The following CYLD variants were observed in gnomAD, a reference collection of about 807,000 sequenced individuals.
CYLD encodes CYLD lysine 63 deubiquitinase, also known as ubiquitin carboxyl-terminal hydrolase CYLD.
Under a neutral mutation model 104.5 loss-of-function variants are expected in CYLD, and 26 were observed. That is an observed-to-expected ratio of 0.25 (90% CI 0.18 to 0.35). CYLD has a LOEUF of 0.35. CYLD is among the 10% of genes least tolerant of loss of function. CYLD has a pLI of 1.00. For missense variants in CYLD, 703 were observed against 1,136.1 expected, an observed-to-expected ratio of 0.62 and a Z score of 5.48; for synonymous variants, 385 against 399.9, an observed-to-expected ratio of 0.96 and a Z score of 0.45.
intron 5 of CYLD, among the ~76,000 whole-genome samples, chr16:50,772,117 C>A (rs1969219272): frequency 6.6e-6 from 1 of 152,194 alleles, no homozygotes; most frequent in South Asian, 2.1e-4. Context: ...ATAGGAATTA[C>A]ATTAAACCTG....
At chr16:50,766,407 G>T (rs1185851827) in intron 5 of CYLD, among the ~76,000 whole-genome samples, 2 of 152,170 alleles carry the variant, frequency 1.3e-5, no homozygotes, top group African/African-American at 4.8e-5. Context: ...GATGCAACTG[G>T]TCACTCAAAA....
chr16:50,791,948 GTAGTT>G (rs1387540525), intron 15 of CYLD, among the ~76,000 whole-genome samples: 4 of 152,282 alleles, frequency 2.6e-5, no homozygotes, highest in African/African-American at 9.6e-5. Flanking sequence ...AAACTTTTAG[GTAGTT>G]TAAAGCAAAA....
chr16:50,757,609 T>C (rs1232459930), intron 5 of CYLD, among the ~76,000 whole-genome samples: 10 of 152,072 alleles, frequency 6.6e-5, no homozygotes, highest in African/African-American at 2.4e-4. Context: ...TGGTCTCTGC[T>C]CACTGCAAGC....
intron 5 of CYLD, among the ~76,000 whole-genome samples, chr16:50,765,264 T>G (rs1385745109): frequency 6.6e-6 from 1 of 152,234 alleles, no homozygotes; most frequent in African/African-American, 2.4e-5. Context: ...CCTGCAATAT[T>G]TCAAACTTTT....
rs1468822713 is a variant in CYLD, at chr16:50,794,532, C to A, written c.2686+104C>A. ...TCTGAGTGATATTTTCTGAGAAAAT[C>A]CTTTCAGGATTATTCTGGTGACAAC... On this transcript the variant is annotated intron_variant, in intron 18 of 18. Coordinates refer to ENST00000427738, the MANE Select transcript of CYLD (RefSeq NM_001378743.1). This position sits in a 1 kb window ranked among gnomAD's most constrained non-coding sequence, Gnocchi z 4.1. 2 of 1,118,838 alleles carry A rather than the reference C, an allele frequency of 1.8e-6. No homozygotes were observed. Among genetic ancestry groups the A allele is most frequent in the African/African-American group, 1.5e-5 (1 of 65,336 alleles). 69.3% of individuals were successfully genotyped at this position (1,118,838 alleles called of 1,614,324 possible). A position where few individuals can be genotyped will look rare whatever the true frequency, so the allele number is the denominator to read the frequency against.
chr16:50,743,731 A>C (rs141834140), intron 2 of CYLD, among the ~76,000 whole-genome samples: 182 of 152,344 alleles, frequency 1.2e-3, no homozygotes, highest in Admixed American at 2.5e-3. Flanking sequence ...TAAGCATCAT[A>C]CATGCTAGTT....
Position 50,749,413 on chromosome 16 carries a change from C to T in CYLD, c.-123-163C>T, listed in dbSNP as rs1966449853. The T allele has an allele frequency of 5.5e-6, 3 of 541,268 alleles. No homozygotes were observed. The African/African-American group carries it at 5.7e-5, about 10-fold the overall frequency. The allele number at this position is 541,268 out of a possible 1,614,324, so 33.5% of individuals were successfully genotyped here. ...GTAATACAGTATGTATGTCTTTTAGCCCTTTTAGATATTTTTTGAAAATAT... is the reference window on the plus strand; with the variant it reads ...GTAATACAGTATGTATGTCTTTTAGTCCTTTTAGATATTTTTTGAAAATAT... On this transcript the variant is annotated intron_variant, in intron 2 of 18. Transcript: ENST00000427738.
chr16:50,783,927 GGCACTGAATAGTGCTT>G, intron 11 of CYLD: 1 of 233,298 alleles, frequency 4.3e-6, no homozygotes. Flanking sequence ...AGGGAAGTGG[GGCACTGAATAGTGCTT>G]GCCTCGGGAA....
At chr16:50,762,162 C>A (rs1469020006) in intron 5 of CYLD, among the ~76,000 whole-genome samples, 2 of 152,134 alleles carry the variant, frequency 1.3e-5, no homozygotes, top group African/African-American at 4.8e-5. Context: ...ATCATCCACC[C>A]CCCGCCACCC....
At position 50,800,361 on chromosome 16, in the gene CYLD, G is replaced by A. The variant is rs1262955396; in HGVS notation, c.*3853G>A. The A allele has an allele frequency of 4.3e-6, 1 of 233,176 alleles. No individual in the cohort carries two copies. Among genetic ancestry groups the A allele is most frequent in the Non-Finnish European group, 8.5e-6 (1 of 118,018 alleles). The allele number at this position is 233,176 out of a possible 1,614,324, so 14.4% of individuals were successfully genotyped here. Reference sequence around the variant, plus strand: ...AGCTTCCTTCACTTTTTGTGATTTTGTGGTCATGTAACGTTACTGTATTAT... The same window carrying A: ...AGCTTCCTTCACTTTTTGTGATTTTATGGTCATGTAACGTTACTGTATTAT... On this transcript the variant is annotated 3_prime_UTR_variant, in exon 19 of 19. Coordinates refer to ENST00000427738, the MANE Select transcript of CYLD (RefSeq NM_001378743.1).
At chr16:50,787,052 AT>A (rs1162477639) in intron 13 of CYLD, 106 bp downstream of exon 13, 2 of 956,224 alleles carry the variant, frequency 2.1e-6, no homozygotes, top group Non-Finnish European at 3.4e-6. Flanking sequence ...TTTCTTTTAA[AT>A]TAGAAATTTC....
chr16:50,760,422 G>A (rs1967766117), intron 5 of CYLD, among the ~76,000 whole-genome samples: 1 of 151,978 alleles, frequency 6.6e-6, no homozygotes, highest in Non-Finnish European at 1.5e-5. Context: ...TCAGTTGCCT[G>A]CTTACTCCAT....
Position 50,742,809 on chromosome 16 carries a change from TC to T in CYLD, c.-154del, listed in dbSNP as rs1285514877. On this transcript the variant is annotated 5_prime_UTR_variant, in exon 2 of 19. An upstream open reading frame in the 5' UTR loses its in-frame stop. Coordinates refer to ENST00000427738, the MANE Select transcript of CYLD (RefSeq NM_001378743.1). ...ATGGTTCTACACAGCCACCCGGAGT[TC>T]CTTAGTTGAAAGGTGCGCCCTGCTG... 5.1e-6 allele frequency: 2 copies of T among 395,188 alleles called. No individual in the cohort carries two copies. Among genetic ancestry groups the T allele is most frequent in the Non-Finnish European group, 8.9e-6 (2 of 224,394 alleles). 24.5% of individuals were successfully genotyped at this position (395,188 alleles called of 1,614,324 possible). A position where few individuals can be genotyped will look rare whatever the true frequency, so the allele number is the denominator to read the frequency against.
chr16:50,794,537 C>T lies in CYLD; in HGVS notation c.2686+109C>T, dbSNP rs1034560888. On this transcript the variant is annotated intron_variant, in intron 18 of 18. Coordinates refer to ENST00000427738, the MANE Select transcript of CYLD (RefSeq NM_001378743.1). The surrounding 1 kb of genome is among the most constrained non-coding windows in gnomAD (Gnocchi z 4.1). ...GTGATATTTTCTGAGAAAATCCTTT[C>T]AGGATTATTCTGGTGACAACAGTCT... 1.9e-6 allele frequency: 2 copies of T among 1,056,838 alleles called. No homozygotes were observed. Among genetic ancestry groups the T allele is most frequent in the Non-Finnish European group, 2.9e-6 (2 of 682,420 alleles). The allele number at this position is 1,056,838 out of a possible 1,614,324, so 65.5% of individuals were successfully genotyped here.
At chr16:50,775,218 T>C (rs1483768518) in intron 6 of CYLD, 44 bp downstream of exon 6, 1 of 1,558,530 alleles carries the variant, frequency 6.4e-7, no homozygotes, top group African/African-American at 1.3e-5. Context: ...GATGTATTGT[T>C]GAATTTTTCA....
In CYLD at chr16:50,751,683, T is replaced by C. The variant is rs1453900713; in HGVS notation, c.584T>C (p.Val195Ala). The change falls in exon 4 of 19, where the codon GTG becomes GCG. Residue 195 changes from valine (V) to alanine (A), a missense_variant. Val to Ala is a moderately conservative substitution (Grantham distance 64). Coordinates refer to ENST00000427738, the MANE Select transcript of CYLD (RefSeq NM_001378743.1). ...QLFQCDEDCG[V>A]FVALDKLELI... is the part of the protein sequence containing the mutation. ...TTTCAGTGTGATGAAGATTGTGGCG[T>C]GTTTGTTGCATTGGACAAGCTAGAA... The C allele has an allele frequency of 6.2e-7, 1 of 1,613,792 alleles. No homozygotes were observed. Among genetic ancestry groups the C allele is most frequent in the Middle Eastern group, 1.7e-4 (1 of 6,060 alleles).
At chr16:50,749,437 A>T in intron 2 of CYLD, 139 bp from the exon 3 acceptor site, 1 of 547,732 alleles carries the variant, frequency 1.8e-6, no homozygotes. Context: ...TTTTGAAAAT[A>T]TTTCATTTGT....
intron 5 of CYLD, among the ~76,000 whole-genome samples, chr16:50,774,458 G>A (rs1969462192): frequency 6.6e-6 from 1 of 152,132 alleles, no homozygotes; most frequent in African/African-American, 2.4e-5. Flanking sequence ...GGCACAATAA[G>A]ATATTGAAAA....
At chr16:50,771,756 A>AT (rs975116066) in intron 5 of CYLD, among the ~76,000 whole-genome samples, 13 of 151,870 alleles carry the variant, frequency 8.6e-5, no homozygotes, top group South Asian at 2.1e-4. Flanking sequence ...CTTAAGTAGA[A>AT]TTTTTTTTTA....
Sources: gnomAD v4.1 joint callset for allele counts (sites outside exome capture counted in the v4.1 genomes callset) on GRCh38, gnomAD v4.1.1 for gene constraint, Gnocchi (gnomAD v3.1) non-coding constraint, MANE v1.5 for transcripts, NCBI Gene and HGNC (gene_info 2026-07-23, HGNC 2026-07-21) for gene names.